Variants in UNC13C observed in about 807,000 individuals in gnomAD.
UNC13C encodes the protein unc-13 homolog C.
A neutral mutation model predicts 245.4 loss-of-function variants in UNC13C; 174 were observed. The ratio of observed to expected loss-of-function variants is 0.71; its 90% CI spans 0.63 to 0.80. The LOEUF is 0.80. UNC13C is among the 30% of genes least tolerant of loss of function. UNC13C has a pLI of 0.00. For synonymous variants in UNC13C, 992 were observed against 895.1 expected (o/e 1.11, Z -1.93); for missense variants, 2,829 against 2,602.9 (o/e 1.09, Z -1.89).
chr15:54,026,884 C>G lies in UNC13C; in HGVS notation c.2983+10998C>G, dbSNP rs989774386. On this transcript the variant is annotated intron_variant, in intron 2 of 32. Transcript: ENST00000260323. ...ATAGCAGTGACAAATCATATTTGGT[C>G]TTTGTCTTCAGTGAAGTGGGTGAGA... is the stretch of plus-strand genomic sequence containing the variant. Among the ~76,000 whole-genome samples, 3 of 152,102 alleles carry G rather than the reference C, an allele frequency of 2.0e-5. No individual in the cohort carries two copies. In the East Asian group the frequency reaches 5.8e-4, roughly 29 times the overall value.
chr15:53,859,566 G>A, the UNC13C span, among the ~76,000 whole-genome samples: 12 of 152,122 alleles, frequency 7.9e-5, no homozygotes, highest in Non-Finnish European at 1.6e-4. Flanking sequence ...AAAGATAAAA[G>A]GAAGGTTGTA....
At chr15:54,011,466 T>A (rs1286326830) in intron 1 of UNC13C, among the ~76,000 whole-genome samples, 1 of 152,244 alleles carries the variant, frequency 6.6e-6, no homozygotes, top group East Asian at 1.9e-4. Flanking sequence ...TTTATTCGAC[T>A]AAAATTAGTT....
chr15:54,019,848 G>A (rs144973944), intron 2 of UNC13C, among the ~76,000 whole-genome samples: 475 of 152,202 alleles, frequency 3.1e-3, no homozygotes, highest in Non-Finnish European at 4.8e-3. Context: ...TGTAGTAGTT[G>A]TTCCTGGGAT....
chr15:53,879,951 G>T, the UNC13C span, among the ~76,000 whole-genome samples: 1 of 130,074 alleles, frequency 7.7e-6, no homozygotes, highest in African/African-American at 2.9e-5. Flanking sequence ...GCGTGTGTGT[G>T]TTTGTGTGTG....
Position 54,626,993 on chromosome 15 carries a change from C to T in UNC13C, c.6525C>T (p.Ile2175=), listed in dbSNP as rs768921381. 14 of 1,613,322 alleles carry T rather than the reference C, an allele frequency of 8.7e-6. No homozygotes were observed. The highest frequency in any genetic ancestry group is 1.2e-5 in the Non-Finnish European group (14 of 1,179,600). ...YGAWYPLLKN[I]SMDETGLTIL... ...CATGGTATCCTCTTCTGAAAAATAT[C>T]TCTATGGATGAAACTGGTTTGACTA... The change falls in exon 33 of 33, where the codon ATC becomes ATT. Residue 2175 remains isoleucine, a synonymous_variant. Transcript: ENST00000260323.
chr15:53,896,422 AT>A, the UNC13C span, among the ~76,000 whole-genome samples: 1 of 152,084 alleles, frequency 6.6e-6, no homozygotes, highest in South Asian at 2.1e-4. Context: ...GAGCTTGTGT[AT>A]TTGTTTAGCA....
chr15:54,605,071 G>A (rs181082782), intron 30 of UNC13C, among the ~76,000 whole-genome samples: 19 of 152,288 alleles, frequency 1.2e-4, no homozygotes, highest in African/African-American at 3.4e-4. Flanking sequence ...TTCCCAGCTT[G>A]GAGTTAGGAT....
intron 10 of UNC13C, among the ~76,000 whole-genome samples, chr15:54,281,630 G>T (rs1187492196): frequency 1.3e-5 from 2 of 152,110 alleles, no homozygotes; most frequent in African/African-American, 4.8e-5. Flanking sequence ...TGAAAAGAAT[G>T]CATGCATTCA....
chr15:54,524,143 C>A (rs1202588537), intron 24 of UNC13C, among the ~76,000 whole-genome samples: 3 of 152,126 alleles, frequency 2.0e-5, no homozygotes, highest in African/African-American at 7.2e-5. Context: ...TACTTCCCTG[C>A]AACTGGTTTT....
rs961319426 is a variant in UNC13C at position 54,181,641 on chromosome 15, T to G, written c.3071+37957T>G. On this transcript the variant is annotated intron_variant, in intron 4 of 32. Transcript: ENST00000260323. The stretch of plus-strand genomic sequence containing the variant: ...AATCTGTAGATTGCTTTGGGCAGTA[T>G]GACCACTTTAATCATATTGATTCTT... 7.9e-5 allele frequency among the ~76,000 whole-genome samples: 12 copies of G among 152,172 alleles called. No homozygotes were observed. The East Asian group carries it at 2.3e-3, about 29-fold the overall frequency.
the UNC13C span, among the ~76,000 whole-genome samples, chr15:53,894,340 G>T: frequency 6.6e-6 from 1 of 152,212 alleles, no homozygotes; most frequent in Admixed American, 6.5e-5. Flanking sequence ...ATAGTCAGTT[G>T]AATGAATGTA....
chr15:54,408,282 T>A (rs575177683), intron 18 of UNC13C, among the ~76,000 whole-genome samples: 1 of 150,794 alleles, frequency 6.6e-6, no homozygotes, highest in Non-Finnish European at 1.5e-5. Flanking sequence ...ATTCATTTCA[T>A]GTTCTAGTAC....
chr15:54,062,712 C>T (rs939402076), intron 2 of UNC13C, among the ~76,000 whole-genome samples: 1 of 152,102 alleles, frequency 6.6e-6, no homozygotes, highest in Non-Finnish European at 1.5e-5. Context: ...TTAACCCCAC[C>T]CAAGCATACT....
At chr15:53,880,274 G>A in the UNC13C span, among the ~76,000 whole-genome samples, 5 of 152,122 alleles carry the variant, frequency 3.3e-5, no homozygotes, top group African/African-American at 1.2e-4. Flanking sequence ...AGAACCAGAA[G>A]TTGGCTAAAA....
intron 7 of UNC13C, among the ~76,000 whole-genome samples, chr15:54,247,458 A>G (rs763628359): frequency 6.6e-6 from 1 of 152,106 alleles, no homozygotes; most frequent in Non-Finnish European, 1.5e-5. Context: ...CCTACCTATT[A>G]ATTTCATGTT....
the UNC13C span, among the ~76,000 whole-genome samples, chr15:53,956,875 AGTGTGTGTGTGTGT>A: frequency 7.2e-6 from 1 of 139,700 alleles, no homozygotes; most frequent in East Asian, 2.2e-4. Flanking sequence ...GTTAAGCTCA[AGTGTGTGTGTGTGT>A]GTGTGTGTGT....
intron 10 of UNC13C, among the ~76,000 whole-genome samples, chr15:54,277,817 A>G (rs2036872601): frequency 6.6e-6 from 1 of 152,178 alleles, no homozygotes; most frequent in Non-Finnish European, 1.5e-5. Context: ...AATGATTTGA[A>G]CCCAATCTAT....
At chr15:54,080,918 T>G (rs1898906323) in intron 2 of UNC13C, among the ~76,000 whole-genome samples, 1 of 145,664 alleles carries the variant, frequency 6.9e-6, no homozygotes, top group African/African-American at 2.5e-5. Context: ...ATTTGAGAAC[T>G]TTCTTTCTTT....
chr15:54,068,343 C>T (rs1898165798), intron 2 of UNC13C, among the ~76,000 whole-genome samples: 2 of 152,156 alleles, frequency 1.3e-5, no homozygotes, highest in African/African-American at 4.8e-5. Context: ...AGAACGGCTG[C>T]AGCTAGAACT....
Sources: gnomAD v4.1 joint callset for allele counts (sites outside exome capture counted in the v4.1 genomes callset) on GRCh38, gnomAD v4.1.1 for gene constraint, MANE v1.5 for transcripts, NCBI Gene and HGNC (gene_info 2026-07-23, HGNC 2026-07-21) for gene names.